The following CNGB1 variants were observed in gnomAD, a reference collection of about 807,000 sequenced individuals.
The protein encoded by CNGB1 is cyclic nucleotide-gated channel beta-1.
In CNGB1, 126 loss-of-function variants were observed where a neutral mutation model predicts 151.7. That is an observed-to-expected ratio of 0.83 (90% CI 0.72 to 0.96). The LOEUF (loss-of-function observed/expected upper bound fraction) is 0.96. CNGB1 is among the 40% of genes least tolerant of loss of function. The pLI is 0.00. For missense variants in CNGB1, 1,698 were observed against 1,627.0 expected, an observed-to-expected ratio of 1.04 and a Z score of -0.75; for synonymous variants, 623 against 635.1, an observed-to-expected ratio of 0.98 and a Z score of 0.29.
intron 16 of CNGB1, chr16:57,936,957 G>A (rs1961527627): frequency 6.6e-6 from 1 of 152,276 alleles, no homozygotes; most frequent in Non-Finnish European, 1.5e-5. Context: ...GATCGGCAGA[G>A]GAAAAGGAGA....
At chr16:57,918,214 G>C (rs563979107) in intron 20 of CNGB1, among the ~76,000 whole-genome samples, 2 of 151,914 alleles carry the variant, frequency 1.3e-5, no homozygotes, top group African/African-American at 4.8e-5. Context: ...GGCTCAAGCA[G>C]TTCTTTCACT....
At chr16:57,897,261 C>T in intron 31 of CNGB1, 136 bp downstream of exon 31, 1 of 902,480 alleles carries the variant, frequency 1.1e-6, no homozygotes, top group Non-Finnish European at 1.7e-6. Context: ...ATGATCACTC[C>T]ACTGCACTCC....
intron 4 of CNGB1, 24 bp from the exon 5 acceptor site, chr16:57,963,088 C>G: frequency 6.4e-7 from 1 of 1,574,226 alleles, no homozygotes; most frequent in Non-Finnish European, 8.7e-7. Context: ...AGACACCAGC[C>G]CGCCCTCAAC....
rs1313382214 is a variant in CNGB1, at chr16:57,964,547, A to G, written c.160-3T>C. ...TCCTTGAATGACTCTTCGGGGGGCT[A>G]GAGGGTTCGAACAGGATCATGTAAG... On this transcript the variant is annotated splice_region_variant and splice_polypyrimidine_tract_variant and intron_variant, in intron 2 of 32. Coordinates refer to ENST00000251102, the MANE Select transcript of CNGB1 (RefSeq NM_001297.5). The G allele has an allele frequency of 6.2e-7, 1 of 1,612,618 alleles. No individual in the cohort carries two copies. Among genetic ancestry groups the G allele is most frequent in the Non-Finnish European group, 8.5e-7 (1 of 1,179,216 alleles).
chr16:57,882,974 G>A lies in CNGB1; in HGVS notation c.*1190C>T, dbSNP rs747297881. ...GAGTAACGGACTGATCCCTGCTGGC[G>A]AATGGGGTTTCTCAGGATGACAGGC... On this transcript the variant is annotated 3_prime_UTR_variant, in exon 33 of 33. Coordinates refer to ENST00000251102, the MANE Select transcript of CNGB1 (RefSeq NM_001297.5). The A allele has an allele frequency of 2.0e-5, 3 of 152,124 alleles. No homozygotes were observed. Among genetic ancestry groups the A allele is most frequent in the Admixed American group, 6.5e-5 (1 of 15,270 alleles). 9.4% of individuals were successfully genotyped at this position (152,124 alleles called of 1,614,324 possible).
chr16:57,965,238 T>C (rs560523188), intron 2 of CNGB1, among the ~76,000 whole-genome samples: 1 of 148,364 alleles, frequency 6.7e-6, no homozygotes, highest in African/African-American at 2.5e-5. Context: ...TACACACACA[T>C]GCACAGACAC....
intron 12 of CNGB1, among the ~76,000 whole-genome samples, chr16:57,956,809 C>G (rs1440381358): frequency 6.6e-6 from 1 of 152,214 alleles, no homozygotes; most frequent in Non-Finnish European, 1.5e-5. Context: ...TGCCTCCAGC[C>G]CCTTCCTGGT....
At chr16:57,952,612 T>A (rs1415977686) in intron 12 of CNGB1, among the ~76,000 whole-genome samples, 1 of 148,784 alleles carries the variant, frequency 6.7e-6, no homozygotes, top group Admixed American at 6.8e-5. Flanking sequence ...GCAATTCTCG[T>A]GCCTCAGCTT....
In CNGB1 at chr16:57,903,853, G is replaced by C; in HGVS notation, c.2763C>G (p.Tyr921Ter). 6.2e-7 allele frequency: 1 copy of C among 1,614,172 alleles called. No individual in the cohort carries two copies. Among genetic ancestry groups the C allele is most frequent in the Non-Finnish European group, 8.5e-7 (1 of 1,180,030 alleles). The change falls in exon 27 of 33, where the codon TAC becomes TAG. Residue 921 changes from tyrosine (Y) to a stop codon, truncating the protein, a stop_gained. Coordinates refer to ENST00000251102, the MANE Select transcript of CNGB1 (RefSeq NM_001297.5). LOFTEE classifies it high-confidence loss of function. Reference protein sequence around the residue: ...KSVQNRVKTWYEYTWHSQGML... With the variant: ...KSVQNRVKTW ...TGCCTTGCGAGTGCCAGGTGTACTCGTACCAGGTCTTGACGCGGTTCTGCA... is the reference window on the plus strand; with the variant it reads ...TGCCTTGCGAGTGCCAGGTGTACTCCTACCAGGTCTTGACGCGGTTCTGCA...
In CNGB1 at chr16:57,884,330, G is replaced by A; in HGVS notation, c.3590C>T (p.Pro1197Leu). The change falls in exon 33 of 33, where the codon CCG becomes CTG. Residue 1197 changes from proline to leucine, a missense_variant. Coordinates refer to ENST00000251102, the MANE Select transcript of CNGB1 (RefSeq NM_001297.5). ...AAGGGAGGCAGGCGGTGGAGAGCTC[G>A]GTGGAGACCCCGGGGGCTCGGGGGG... ...RTPPEPPGSP[P>L]SSPPPASLGR... is the part of the protein sequence containing the mutation. 2 of 1,611,220 alleles carry A rather than the reference G, an allele frequency of 1.2e-6. No individual in the cohort carries two copies. The highest frequency in any genetic ancestry group is 2.2e-5 in the South Asian group (2 of 90,942).
At chr16:57,970,659 CT>C (rs1468082291) in intron 1 of CNGB1, among the ~76,000 whole-genome samples, 1 of 152,114 alleles carries the variant, frequency 6.6e-6, no homozygotes, top group East Asian at 1.9e-4. Flanking sequence ...CCCCATTTTT[CT>C]TTTTCCTCCT....
chr16:57,938,247 T>C (rs1486409184), intron 16 of CNGB1, among the ~76,000 whole-genome samples: 2 of 152,200 alleles, frequency 1.3e-5, no homozygotes, highest in Non-Finnish European at 2.9e-5. Flanking sequence ...CTGGTCTTTT[T>C]CATCCATGTG....
At chr16:57,965,259 G>A (rs1962362452) in intron 2 of CNGB1, among the ~76,000 whole-genome samples, 1 of 151,640 alleles carries the variant, frequency 6.6e-6, no homozygotes, top group South Asian at 2.1e-4. Context: ...AAAAATAAGT[G>A]CATGTGCACA....
At chr16:57,889,257 C>A (rs769179366) in intron 31 of CNGB1, among the ~76,000 whole-genome samples, 4 of 152,222 alleles carry the variant, frequency 2.6e-5, no homozygotes, top group African/African-American at 4.8e-5. Flanking sequence ...CCTGCCATGG[C>A]CTCGCAAAGT....
At position 57,958,479 on chromosome 16, in the gene CNGB1, C is replaced by T; in HGVS notation, c.768G>A (p.Val256=). 2 of 1,614,036 alleles carry T rather than the reference C, an allele frequency of 1.2e-6. No individual in the cohort carries two copies. Among genetic ancestry groups the T allele is most frequent in the East Asian group, 4.5e-5 (2 of 44,868 alleles). ...LPPTRDPARL[V]AWVLHRLEMA... ...TCTCCAGCCTGTGCAGGACCCATGC[C>T]ACCAGCCTGCAGGTGGGAGAGAGTG... is the stretch of plus-strand genomic sequence containing the variant. Residue 256 remains valine, a synonymous_variant, in exon 11 of 33, where the codon GTG becomes GTA. Transcript: ENST00000251102.
rs796740334 is a variant in CNGB1 at position 57,935,651 on chromosome 16, C to A, written c.1373-3773G>T. ...CAACAGAGCAAGACTCCGTCCCCCC[C>A]CAAAAAAAAATAGAATTGGTACAGA... On this transcript the variant is annotated intron_variant, in intron 16 of 32. Coordinates refer to ENST00000251102, the MANE Select transcript of CNGB1 (RefSeq NM_001297.5). Among the ~76,000 whole-genome samples the A allele has an allele frequency of 5.5e-4, 84 of 151,746 alleles. No homozygotes were observed. In the Middle Eastern group the frequency reaches 0.014, roughly 25 times the overall value.
At chr16:57,933,975 G>A (rs1347450380) in intron 16 of CNGB1, among the ~76,000 whole-genome samples, 2 of 151,986 alleles carry the variant, frequency 1.3e-5, no homozygotes, top group African/African-American at 2.4e-5. Context: ...TGCCGGCCTT[G>A]GCCTCCCAAA....
intron 14 of CNGB1, among the ~76,000 whole-genome samples, chr16:57,945,954 A>G (rs1231072410): frequency 3.9e-5 from 6 of 152,178 alleles, no homozygotes; most frequent in Admixed American, 1.3e-4. Flanking sequence ...AAAACACCTA[A>G]ACAGCCCAGT....
At chr16:57,963,529 C>T (rs1218822583) in intron 4 of CNGB1, among the ~76,000 whole-genome samples, 1 of 152,174 alleles carries the variant, frequency 6.6e-6, no homozygotes, top group Non-Finnish European at 1.5e-5. Flanking sequence ...GGCTGAGCAG[C>T]CTAAATGTGA....
Sources: allele counts gnomAD v4.1 joint callset (sites outside exome capture counted in the v4.1 genomes callset), GRCh38; gene constraint gnomAD v4.1.1; transcripts MANE v1.5; gene names NCBI Gene and HGNC (gene_info 2026-07-23, HGNC 2026-07-21).